The following ADGB variants were observed in gnomAD, a reference collection of about 807,000 sequenced individuals.
The protein encoded by ADGB is calpain-7-like protein.
ADGB carries 172 observed loss-of-function variants against 210.5 expected under a neutral mutation model. The ratio of observed to expected loss-of-function variants is 0.82; its 90% CI spans 0.72 to 0.93. The LOEUF is 0.93. ADGB is among the 40% of genes least tolerant of loss of function. The probability of loss-of-function intolerance (pLI) is 0.00; values close to 1 mark genes in which losing one functional copy is unlikely to be tolerated. For missense variants in ADGB, 2,025 were observed against 1,964.8 expected (o/e 1.03, Z -0.58); for synonymous variants, 658 against 662.7 (o/e 0.99, Z 0.11).
At chr6:146,679,397 T>TAA (rs1286652499) in intron 9 of ADGB, among the ~76,000 whole-genome samples, 1 of 152,196 alleles carries the variant, frequency 6.6e-6, no homozygotes, top group Non-Finnish European at 1.5e-5. Context: ...TGCTTACAGA[T>TAA]ACACCCATAA....
chr6:146,667,194 C>T (rs1346127279), intron 7 of ADGB, among the ~76,000 whole-genome samples: 1 of 151,842 alleles, frequency 6.6e-6, no homozygotes. Flanking sequence ...TGTGGATTTC[C>T]ATGGGAAATC....
chr6:146,771,144 C>G (rs1189619940), intron 29 of ADGB, among the ~76,000 whole-genome samples: 2 of 152,010 alleles, frequency 1.3e-5, no homozygotes, highest in Non-Finnish European at 2.9e-5. Context: ...CCTGTTGATT[C>G]CCTTGTTGTG....
At chr6:146,811,712 C>T (rs1778305609) in intron 35 of ADGB, among the ~76,000 whole-genome samples, 1 of 152,132 alleles carries the variant, frequency 6.6e-6, no homozygotes, top group African/African-American at 2.4e-5. Flanking sequence ...CCCTCTGTCT[C>T]CCAGGCTGGA....
intron 2 of ADGB, chr6:146,638,984 G>A (rs1269206328): frequency 6.6e-6 from 1 of 151,690 alleles, no homozygotes; most frequent in African/African-American, 2.4e-5. Context: ...AAACTTTGCA[G>A]TGACTACTTG....
At chr6:146,807,542 C>G in intron 35 of ADGB, 6 of 1,550,492 alleles carry the variant, frequency 3.9e-6, no homozygotes, top group Non-Finnish European at 5.2e-6. Context: ...AAAAGATGAC[C>G]CCAGCTCCTG....
chr6:146,683,435 C>T (rs1052017657), intron 9 of ADGB, among the ~76,000 whole-genome samples: 1 of 151,942 alleles, frequency 6.6e-6, no homozygotes, highest in Non-Finnish European at 1.5e-5. Context: ...ATAGTGATAC[C>T]AATATTTATA....
At chr6:146,812,790 T>C (rs1778321013) in intron 35 of ADGB, among the ~76,000 whole-genome samples, 1 of 152,238 alleles carries the variant, frequency 6.6e-6, no homozygotes, top group African/African-American at 2.4e-5. Flanking sequence ...CATACACATT[T>C]TTGAAAGGTT....
intron 1 of ADGB, among the ~76,000 whole-genome samples, chr6:146,628,172 A>AT (rs147962586): frequency 0.033 from 4,951 of 151,968 alleles, 273 homozygotes; most frequent in African/African-American, 0.11. Context: ...TTTGGATAGA[A>AT]TTTTTTTATT....
rs138877513 is a variant in ADGB at position 146,774,413 on chromosome 6, T to C, written c.3862+5282T>C. 2.6e-3 allele frequency among the ~76,000 whole-genome samples: 403 copies of C among 152,324 alleles called. 2 individuals are homozygous for C. Among genetic ancestry groups the C allele is most frequent in the African/African-American group, 9.3e-3 (388 of 41,576 alleles). On this transcript the variant is annotated intron_variant, in intron 29 of 35. Coordinates refer to ENST00000397944, the MANE Select transcript of ADGB (RefSeq NM_024694.4). ...AAAATAATTACGTTTTCTTTCCTGA[T>C]ATCACATTTGAAAATTTTATGTGTG...
chr6:146,788,569 G>A lies in ADGB; in HGVS notation c.4496G>A (p.Gly1499Glu). Residue 1499 changes from glycine to glutamate, a missense_variant, in exon 33 of 36, where the codon GGG (glycine) becomes GAG (glutamate). Transcript: ENST00000397944. ...SSESGGVSSP[G>E]KEEREQSTRK... ...GAAAGTGGAGGAGTGTCTTCACCAG[G>A]GAAAGAAGAGCGCGAGCAGAGCACA... is the stretch of plus-strand genomic sequence containing the variant. 6.4e-7 allele frequency: 1 copy of A among 1,551,676 alleles called. No individual in the cohort carries two copies. Among genetic ancestry groups the A allele is most frequent in the Non-Finnish European group, 8.7e-7 (1 of 1,146,950 alleles).
chr6:146,781,921 A>T, intron 29 of ADGB, 99 bp from the exon 30 acceptor site: 1 of 821,334 alleles, frequency 1.2e-6, no homozygotes, highest in Middle Eastern at 2.7e-4. Context: ...CAAATCTATT[A>T]GCTTAACCAT....
At chr6:146,703,885 C>T (rs1257594094) in intron 13 of ADGB, among the ~76,000 whole-genome samples, 2 of 151,524 alleles carry the variant, frequency 1.3e-5, no homozygotes, top group African/African-American at 4.8e-5. Context: ...TTTTCAACCT[C>T]CATACTGTTT....
intron 33 of ADGB, among the ~76,000 whole-genome samples, chr6:146,792,889 G>A (rs1777973538): frequency 6.6e-6 from 1 of 152,150 alleles, no homozygotes; most frequent in Admixed American, 6.5e-5. Context: ...CTTCCAGTGG[G>A]TTCCTGGTCT....
chr6:146,688,655 C>T (rs896466383), intron 10 of ADGB, among the ~76,000 whole-genome samples: 2 of 152,156 alleles, frequency 1.3e-5, no homozygotes, highest in Non-Finnish European at 2.9e-5. Context: ...CAGTAAGTGA[C>T]TTCCAAAGCT....
chr6:146,803,008 A>G (rs1295426342), intron 35 of ADGB: 6 of 1,607,470 alleles, frequency 3.7e-6, no homozygotes, highest in Non-Finnish European at 5.1e-6. Flanking sequence ...ACTATAACAT[A>G]TTCTTCAAAT....
intron 35 of ADGB, among the ~76,000 whole-genome samples, chr6:146,804,711 G>T (rs1301339331): frequency 6.6e-6 from 1 of 152,144 alleles, no homozygotes; most frequent in East Asian, 1.9e-4. Flanking sequence ...TGATCTAACT[G>T]CTTCCATCTT....
chr6:146,669,620 G>A (rs956465354), intron 7 of ADGB, among the ~76,000 whole-genome samples: 1 of 151,970 alleles, frequency 6.6e-6, no homozygotes, highest in Admixed American at 6.6e-5. Flanking sequence ...ACACTCTCTG[G>A]GTTTTTCTCC....
chr6:146,703,308 A>G (rs1421414474), intron 13 of ADGB, among the ~76,000 whole-genome samples: 4 of 152,030 alleles, frequency 2.6e-5, no homozygotes, highest in Non-Finnish European at 4.4e-5. Context: ...GTTTTGAAAT[A>G]TATATATAGC....
chr6:146,741,092 GA>G (rs1413683651), intron 24 of ADGB, 25 bp from the exon 25 acceptor site: 1 of 1,459,958 alleles, frequency 6.8e-7, no homozygotes, highest in Non-Finnish European at 9.0e-7. Context: ...CACATCAAGG[GA>G]AAGTTCATGC....
Sources: gnomAD v4.1 joint callset for allele counts (sites outside exome capture counted in the v4.1 genomes callset) on GRCh38, gnomAD v4.1.1 for gene constraint, MANE v1.5 for transcripts, NCBI Gene and HGNC (gene_info 2026-07-23, HGNC 2026-07-21) for gene names.